RPF1: variants seen among roughly 807,000 people sequenced by gnomAD.
The protein encoded by RPF1 is ribosome production factor 1 homolog.
RPF1 carries 34 observed loss-of-function variants against 41.9 expected under a neutral mutation model. The ratio of observed to expected loss-of-function variants is 0.81; its 90% CI spans 0.62 to 1.08. The LOEUF (loss-of-function observed/expected upper bound fraction) is 1.08, where lower values mean the gene tolerates loss of function less well. Ranked by LOEUF, RPF1 falls within the 50% of genes least tolerant of loss-of-function variation. The pLI is 0.00. For synonymous variants in RPF1, 140 were observed against 148.9 expected, an observed-to-expected ratio of 0.94 and a Z score of 0.43; for missense variants, 425 against 435.2, an observed-to-expected ratio of 0.98 and a Z score of 0.21.
chr1:84,496,393 G>T, intron 8 of RPF1, 23 bp downstream of exon 8: 2 of 1,569,580 alleles, frequency 1.3e-6, no homozygotes, highest in Non-Finnish European at 1.7e-6. Flanking sequence ...TGTTTAAAAA[G>T]ACTAAGTCAT....
intron 3 of RPF1, 91 bp from the exon 4 acceptor site, chr1:84,489,542 G>A: frequency 2.8e-6 from 2 of 723,994 alleles, no homozygotes; most frequent in Non-Finnish European, 5.0e-6. Context: ...TAGATACTCA[G>A]TGTCCAACAG....
chr1:84,487,042 G>T (rs183107405), intron 3 of RPF1, among the ~76,000 whole-genome samples: 1 of 152,086 alleles, frequency 6.6e-6, no homozygotes, highest in Non-Finnish European at 1.5e-5. Context: ...TAGAAGAGAT[G>T]TCAAGCAGGT....
At chr1:84,485,412 T>C (rs1044255173) in intron 3 of RPF1, among the ~76,000 whole-genome samples, 6 of 152,202 alleles carry the variant, frequency 3.9e-5, no homozygotes, top group African/African-American at 1.2e-4. Flanking sequence ...AGGTAACTTT[T>C]ATACAATATT....
intron 5 of RPF1, among the ~76,000 whole-genome samples, chr1:84,494,078 C>T (rs536863941): frequency 1.3e-5 from 2 of 152,210 alleles, no homozygotes; most frequent in Admixed American, 1.3e-4. Context: ...ACAGCTGAGT[C>T]CCATAGCTGG....
intron 6 of RPF1, 57 bp downstream of exon 6, chr1:84,495,512 C>G: frequency 1.3e-6 from 1 of 771,556 alleles, no homozygotes. Context: ...TTTATTTGAT[C>G]AATAGATGCT....
intron 8 of RPF1, among the ~76,000 whole-genome samples, chr1:84,497,165 T>C (rs553781766): frequency 4.0e-4 from 61 of 151,274 alleles, no homozygotes; most frequent in African/African-American, 1.4e-3. Context: ...CCACCGTGCA[T>C]GGCCTAAAAC....
intron 5 of RPF1, among the ~76,000 whole-genome samples, 171 bp downstream of exon 5, chr1:84,490,643 C>G (rs1415380107): frequency 6.6e-6 from 1 of 152,022 alleles, no homozygotes; most frequent in Non-Finnish European, 1.5e-5. Flanking sequence ...TTGTATTCAC[C>G]AAACATTTAT....
At chr1:84,496,171 TTA>T in intron 7 of RPF1, 71 bp from the exon 8 acceptor site, 1 of 1,497,142 alleles carries the variant, frequency 6.7e-7, no homozygotes. Flanking sequence ...ATAAAATGAA[TTA>T]TCTTTTGAAC....
chr1:84,480,142 T>G (rs1414379731), intron 1 of RPF1, among the ~76,000 whole-genome samples: 1 of 152,182 alleles, frequency 6.6e-6, no homozygotes, highest in African/African-American at 2.4e-5. Context: ...CACAATATTA[T>G]TATTATGTGT....
rs1331950388 is a variant in RPF1, at chr1:84,496,370, G to A, written c.1008G>A (p.Lys336=). ...SKYGEYEWVH[K]PREMDTSRRK... Reference sequence around the variant, plus strand: ...ATGGAGAGTATGAATGGGTCCATAAGGTATGTGCTTATTGTTTAAAAAGAC... The same window carrying A: ...ATGGAGAGTATGAATGGGTCCATAAAGTATGTGCTTATTGTTTAAAAAGAC... Residue 336 remains lysine, a splice_region_variant and synonymous_variant, in exon 8 of 9, where the codon AAG becomes AAA. Transcript: ENST00000370654. 1 of 1,597,160 alleles carries A rather than the reference G, an allele frequency of 6.3e-7. No homozygotes were observed. Among genetic ancestry groups the A allele is most frequent in the African/African-American group, 1.4e-5 (1 of 74,016 alleles).
chr1:84,487,887 A>C (rs1037476477), intron 3 of RPF1, among the ~76,000 whole-genome samples: 8 of 152,100 alleles, frequency 5.3e-5, no homozygotes, highest in African/African-American at 1.9e-4. Flanking sequence ...TCATTTATAT[A>C]TAACCAGTTT....
chr1:84,496,307 A>C lies in RPF1; in HGVS notation c.945A>C (p.Lys315Asn), dbSNP rs1278166691. ...IQELGPRFTLKLRSLQKGTFD... is the reference protein window; with the variant it reads ...IQELGPRFTLNLRSLQKGTFD... ...AACTTGGACCACGTTTTACCTTAAA[A>C]TTAAGGTCTCTTCAGAAAGGAACCT... Residue 315 changes from lysine (K) to asparagine (N), a missense_variant, in exon 8 of 9, where the codon AAA becomes AAC. By Grantham distance (94) the Lys-to-Asn change is moderately conservative. Coordinates refer to ENST00000370654, the MANE Select transcript of RPF1 (RefSeq NM_025065.7). 1 of 1,611,178 alleles carries C rather than the reference A, an allele frequency of 6.2e-7. No homozygotes were observed. The highest frequency in any genetic ancestry group is 1.3e-5 in the African/African-American group (1 of 74,886).
At chr1:84,497,121 C>T (rs1414570417) in intron 8 of RPF1, among the ~76,000 whole-genome samples, 1 of 151,612 alleles carries the variant, frequency 6.6e-6, no homozygotes, top group Non-Finnish European at 1.5e-5. Context: ...CTGCCTGCCT[C>T]AGCCTCCCAA....
rs147803982 is a variant in RPF1, at chr1:84,496,366, A to G, written c.1004A>G (p.His335Arg). The G allele has an allele frequency of 1.7e-3, 2,755 of 1,606,980 alleles. 4 individuals carry two copies. The highest frequency in any genetic ancestry group is 2.1e-3 in the Non-Finnish European group (2,493 of 1,177,090). Residue 335 changes from histidine to arginine, a missense_variant, in exon 8 of 9, where the codon CAT (histidine) becomes CGT (arginine). Physicochemically the swap from His to Arg is conservative, Grantham distance 29. Coordinates refer to ENST00000370654, the MANE Select transcript of RPF1 (RefSeq NM_025065.7). ...AAATATGGAGAGTATGAATGGGTCC[A>G]TAAGGTATGTGCTTATTGTTTAAAA... ...DSKYGEYEWV[H>R]KPREMDTSRR...
Position 84,497,700 on chromosome 1 carries a change from G to A in RPF1, c.*230G>A. On this transcript the variant is annotated 3_prime_UTR_variant, in exon 9 of 9. Transcript: ENST00000370654. ...CCTTAAACTTAGTTCTCTTGTTTTT[G>A]GGTAACTGTGAATAATTAAGTTGGA... is the stretch of plus-strand genomic sequence containing the variant. 1 of 395,056 alleles carries A rather than the reference G, an allele frequency of 2.5e-6. No individual in the cohort carries two copies. 24.5% of individuals were successfully genotyped at this position (395,056 alleles called of 1,614,324 possible).
intron 3 of RPF1, among the ~76,000 whole-genome samples, chr1:84,486,478 C>G (rs574397540): frequency 4.2e-4 from 63 of 150,762 alleles, no homozygotes; most frequent in African/African-American, 1.4e-3. Context: ...GTCCCAGCTA[C>G]TCGGGAGGCT....
chr1:84,482,327 G>A (rs1681664860), intron 2 of RPF1, among the ~76,000 whole-genome samples: 1 of 152,136 alleles, frequency 6.6e-6, no homozygotes, highest in Non-Finnish European at 1.5e-5. Context: ...ATTCCATAAT[G>A]TTGATGTACT....
At chr1:84,496,395 CTA>C in intron 8 of RPF1, 25 bp downstream of exon 8, 1 of 1,568,214 alleles carries the variant, frequency 6.4e-7, no homozygotes, top group Non-Finnish European at 8.7e-7. Context: ...TTTAAAAAGA[CTA>C]AGTCATTTTT....
Position 84,498,023 on chromosome 1 carries a change from C to G in RPF1, c.*553C>G, listed in dbSNP as rs1019303833. 1.3e-5 allele frequency among the ~76,000 whole-genome samples: 2 copies of G among 152,152 alleles called. No homozygotes were observed. The highest frequency in any genetic ancestry group is 4.8e-5 in the African/African-American group (2 of 41,428). ...TGAGGTTTTTGGTTTTTTGTGCCCA[C>G]GTTGTGGGGAGCTCTTTTTTACCTC... On this transcript the variant is annotated 3_prime_UTR_variant, in exon 9 of 9. Coordinates refer to ENST00000370654, the MANE Select transcript of RPF1 (RefSeq NM_025065.7).
Sources: allele counts gnomAD v4.1 joint callset (sites outside exome capture counted in the v4.1 genomes callset), GRCh38; gene constraint gnomAD v4.1.1; transcripts MANE v1.5; gene names NCBI Gene and HGNC (gene_info 2026-07-23, HGNC 2026-07-21).